Variants in LRMDA observed in about 807,000 individuals in gnomAD.
The protein encoded by LRMDA is leucine rich melanocyte differentiation associated, also known as leucine-rich melanocyte differentiation-associated protein.
Under a neutral mutation model 29.8 loss-of-function variants are expected in LRMDA, and 18 were observed. That is an observed-to-expected ratio of 0.60 (90% CI 0.42 to 0.90). LRMDA has a LOEUF of 0.90. Ranked by LOEUF, LRMDA falls within the 40% of genes least tolerant of loss-of-function variation. The probability of loss-of-function intolerance (pLI) is 0.00; values close to 1 mark genes in which losing one functional copy is unlikely to be tolerated. For missense variants in LRMDA, 273 were observed against 273.9 expected, an observed-to-expected ratio of 1.00 and a Z score of 0.02; for synonymous variants, 125 against 109.4, an observed-to-expected ratio of 1.14 and a Z score of -0.89.
At chr10:76,014,350 T>A (rs1054364718) in intron 2 of LRMDA, among the ~76,000 whole-genome samples, 16 of 151,884 alleles carry the variant, frequency 1.1e-4, no homozygotes, top group Non-Finnish European at 1.8e-4. Context: ...CCCTTAGCAG[T>A]AACCCACCTC....
At chr10:75,517,308 GA>G (rs1227181116) in intron 2 of LRMDA, among the ~76,000 whole-genome samples, 3 of 152,132 alleles carry the variant, frequency 2.0e-5, no homozygotes, top group Non-Finnish European at 4.4e-5. Flanking sequence ...CCATTTTCAT[GA>G]TATTGATTCT....
chr10:76,537,292 C>T (rs370203825), intron 6 of LRMDA, among the ~76,000 whole-genome samples: 9 of 152,318 alleles, frequency 5.9e-5, no homozygotes, highest in African/African-American at 1.2e-4. Flanking sequence ...GCCCTACACA[C>T]GTGCATGACT....
intron 2 of LRMDA, among the ~76,000 whole-genome samples, chr10:75,606,995 G>T (rs1343541607): frequency 6.6e-6 from 1 of 152,178 alleles, no homozygotes; most frequent in African/African-American, 2.4e-5. Context: ...ACCTAATTAG[G>T]AAGGAGGCCA....
intron 2 of LRMDA, among the ~76,000 whole-genome samples, chr10:75,771,122 C>G (rs758390471): frequency 6.6e-5 from 10 of 152,068 alleles, no homozygotes; most frequent in Admixed American, 2.6e-4. Flanking sequence ...CTCTTCCCTG[C>G]CTAGCTCTGG....
intron 2 of LRMDA, among the ~76,000 whole-genome samples, chr10:75,919,335 C>A (rs1845989965): frequency 6.6e-6 from 1 of 152,170 alleles, no homozygotes; most frequent in Admixed American, 6.5e-5. Flanking sequence ...ATTTACTCAG[C>A]TGGTCTGCAA....
In LRMDA at chr10:75,968,897, A is replaced by G. The variant is rs183655918; in HGVS notation, c.132-67111A>G. 4.8e-3 allele frequency among the ~76,000 whole-genome samples: 729 copies of G among 152,324 alleles called. 8 individuals are homozygous for G. Among genetic ancestry groups the G allele is most frequent in the African/African-American group, 0.017 (697 of 41,564 alleles). ...TGTTTATGTGGCTATTGAGTTTGGT[A>G]AATTTGTAATTAGGTGAGTATGGGT... is the stretch of plus-strand genomic sequence containing the variant. On this transcript the variant is annotated intron_variant, in intron 2 of 6. Transcript: ENST00000611255.
chr10:76,513,930 C>T (rs952954535), intron 6 of LRMDA, among the ~76,000 whole-genome samples: 4 of 152,160 alleles, frequency 2.6e-5, no homozygotes, highest in African/African-American at 9.7e-5. Context: ...CATAGCTTAT[C>T]AGTATCAGTC....
At chr10:75,935,261 G>A (rs1048648111) in intron 2 of LRMDA, among the ~76,000 whole-genome samples, 47 of 152,216 alleles carry the variant, frequency 3.1e-4, no homozygotes, top group Non-Finnish European at 3.2e-4. Flanking sequence ...AAAACACCAT[G>A]CATAAATAAA....
In LRMDA at chr10:76,516,794, A is replaced by T. The variant is rs1055568940; in HGVS notation, c.602-40415A>T. Among the ~76,000 whole-genome samples the T allele has an allele frequency of 2.0e-5, 3 of 152,210 alleles. No individual in the cohort carries two copies. The South Asian group carries it at 6.2e-4, about 32-fold the overall frequency. ...TCTTTGCTATTGCGAATAGTGCCAC[A>T]ATAAACATACGTGTGCATGTGTCTT... On this transcript the variant is annotated intron_variant, in intron 6 of 6. Coordinates refer to ENST00000611255, the MANE Select transcript of LRMDA (RefSeq NM_001305581.2).
chr10:76,411,380 T>C (rs1165727767), intron 6 of LRMDA, among the ~76,000 whole-genome samples: 1 of 152,168 alleles, frequency 6.6e-6, no homozygotes, highest in Non-Finnish European at 1.5e-5. Context: ...ACTCTAAGCC[T>C]AGTGCCAGTT....
chr10:76,252,183 G>A (rs1259839734), intron 5 of LRMDA, among the ~76,000 whole-genome samples: 2 of 152,126 alleles, frequency 1.3e-5, no homozygotes, highest in African/African-American at 2.4e-5. Context: ...CCACCAGTCC[G>A]GGAGGCCAAC....
chr10:75,618,245 T>C (rs1436527441), intron 2 of LRMDA, among the ~76,000 whole-genome samples: 2 of 41,768 alleles, frequency 4.8e-5, no homozygotes, highest in African/African-American at 8.0e-5. Flanking sequence ...AAAATAACAC[T>C]GTAAAAGTGA....
intron 5 of LRMDA, among the ~76,000 whole-genome samples, chr10:76,220,170 G>T (rs1258063666): frequency 2.6e-5 from 4 of 152,124 alleles, no homozygotes; most frequent in Non-Finnish European, 4.4e-5. Context: ...AAGCAGGAAA[G>T]ATCCAAAATT....
At chr10:75,726,263 G>A (rs1842629917) in intron 2 of LRMDA, among the ~76,000 whole-genome samples, 1 of 152,202 alleles carries the variant, frequency 6.6e-6, no homozygotes, top group South Asian at 2.1e-4. Flanking sequence ...AGTTGGGGTT[G>A]GTGGTGAGTG....
At chr10:76,445,439 T>G (rs1842345471) in intron 6 of LRMDA, among the ~76,000 whole-genome samples, 1 of 152,204 alleles carries the variant, frequency 6.6e-6, no homozygotes, top group African/African-American at 2.4e-5. Context: ...GTCTGTTTGC[T>G]TCTGACCCTG....
chr10:76,554,222 G>A (rs912961724), intron 6 of LRMDA, among the ~76,000 whole-genome samples: 4 of 152,144 alleles, frequency 2.6e-5, no homozygotes, highest in African/African-American at 7.2e-5. Flanking sequence ...CGTTAGAGCC[G>A]CAGGCAGCGT....
At chr10:76,030,264 GTA>G (rs1007447832) in intron 2 of LRMDA, among the ~76,000 whole-genome samples, 2 of 151,856 alleles carry the variant, frequency 1.3e-5, no homozygotes, top group African/African-American at 2.4e-5. Flanking sequence ...GTGTGTGTGT[GTA>G]TATATATGTA....
At chr10:75,922,800 C>T (rs182493692) in intron 2 of LRMDA, among the ~76,000 whole-genome samples, 120 of 152,282 alleles carry the variant, frequency 7.9e-4, no homozygotes, top group African/African-American at 2.8e-3. Context: ...TACCAAAGTA[C>T]TCATTTTCAT....
intron 5 of LRMDA, among the ~76,000 whole-genome samples, chr10:76,123,904 G>C (rs1849833059): frequency 6.6e-6 from 1 of 152,202 alleles, no homozygotes; most frequent in African/African-American, 2.4e-5. Flanking sequence ...TTGAAGGATG[G>C]ATGGGTGAAA....
Sources: gnomAD v4.1 joint callset for allele counts (sites outside exome capture counted in the v4.1 genomes callset) on GRCh38, gnomAD v4.1.1 for gene constraint, MANE v1.5 for transcripts, NCBI Gene and HGNC (gene_info 2026-07-23, HGNC 2026-07-21) for gene names.